The following CACNA1I variants were observed in gnomAD, a reference collection of about 807,000 sequenced individuals.
CACNA1I encodes voltage-dependent T-type calcium channel subunit alpha-1I.
CACNA1I carries 74 observed loss-of-function variants against 201.6 expected under a neutral mutation model. The observed-to-expected ratio is 0.37, with a 90% CI of 0.30 to 0.45. CACNA1I has a LOEUF of 0.45. CACNA1I is among the 20% of genes least tolerant of loss of function. The probability of loss-of-function intolerance (pLI) is 1.00; values close to 1 mark genes in which losing one functional copy is unlikely to be tolerated. For missense variants in CACNA1I, 2,346 were observed against 3,138.1 expected (o/e 0.75, Z 6.03); for synonymous variants, 1,431 against 1,345.2 (o/e 1.06, Z -1.40).
intron 7 of CACNA1I, among the ~76,000 whole-genome samples, chr22:39,643,739 T>C (rs759463008): frequency 2.0e-5 from 3 of 152,200 alleles, no homozygotes; most frequent in Non-Finnish European, 2.9e-5. Context: ...CAGTGCTTTC[T>C]TGGGGAGGCT....
rs1701480702 is a variant in CACNA1I at position 39,684,926 on chromosome 22, A to C, written c.6027+428A>C. 6.0e-6 allele frequency: 2 copies of C among 335,794 alleles called. No individual in the cohort carries two copies. The highest frequency in any genetic ancestry group is 4.4e-5 in the Admixed American group (1 of 22,540). 20.8% of individuals were successfully genotyped at this position (335,794 alleles called of 1,614,324 possible). On this transcript the variant is annotated intron_variant, in intron 36 of 36. Transcript: ENST00000402142. The surrounding 1 kb of genome is among the most constrained non-coding windows in gnomAD (Gnocchi z 4.6). ...GGGAGGGCGGGTCTGGTGGATGAGA[A>C]GCCTCGGGCTGCAGGGTCCCCCGTA...
At chr22:39,609,720 T>C (rs1342586019) in intron 3 of CACNA1I, among the ~76,000 whole-genome samples, 1 of 152,200 alleles carries the variant, frequency 6.6e-6, no homozygotes, top group East Asian at 1.9e-4. Context: ...CTTGGCTAAA[T>C]CAAACAAGAG....
At chr22:39,574,686 A>G (rs141216875) in intron 1 of CACNA1I, among the ~76,000 whole-genome samples, 78 of 152,288 alleles carry the variant, frequency 5.1e-4, no homozygotes, top group African/African-American at 1.8e-3. Flanking sequence ...TCCTTCAATC[A>G]TTGTGACTAC....
intron 3 of CACNA1I, among the ~76,000 whole-genome samples, chr22:39,613,055 G>A (rs1933428183): frequency 1.3e-5 from 2 of 152,212 alleles, no homozygotes; most frequent in Non-Finnish European, 2.9e-5. Context: ...TGGGCCCCTT[G>A]TGAAGATTGA....
In CACNA1I at chr22:39,598,235, C is replaced by T. The variant is rs761597135; in HGVS notation, c.321C>T (p.Cys107=). Residue 107 remains cysteine (C), a synonymous_variant, in exon 2 of 37, where the codon TGC becomes TGT. Transcript: ENST00000402142. Reference sequence around the variant, plus strand: ...ACCAGCCGTGCGACGACATGGACTGCCTGTCCGACCGCTGCAAGATCCTGC... The same window carrying T: ...ACCAGCCGTGCGACGACATGGACTGTCTGTCCGACCGCTGCAAGATCCTGC... The part of the protein sequence containing the change: ...GMYQPCDDMD[C]LSDRCKILQV... 20 of 1,602,494 alleles carry T rather than the reference C, an allele frequency of 1.2e-5. No homozygotes were observed. In the Admixed American group the frequency reaches 2.5e-4, roughly 20 times the overall value.
chr22:39,619,847 G>A (rs369433505), intron 4 of CACNA1I, among the ~76,000 whole-genome samples: 1 of 152,150 alleles, frequency 6.6e-6, no homozygotes. Flanking sequence ...GTCGAGCTCT[G>A]TCATTCACCC....
chr22:39,678,733 C>A (rs1435597167), intron 31 of CACNA1I, among the ~76,000 whole-genome samples: 1 of 152,134 alleles, frequency 6.6e-6, no homozygotes, highest in African/African-American at 2.4e-5. Flanking sequence ...AGCTGAAAAA[C>A]CAGAAAGGAA....
At chr22:39,592,602 G>A (rs1601800851) in intron 1 of CACNA1I, among the ~76,000 whole-genome samples, 1 of 152,230 alleles carries the variant, frequency 6.6e-6, no homozygotes, top group East Asian at 1.9e-4. Context: ...AGGGCTTCAA[G>A]CCTCGCTGTG....
chr22:39,672,199 T>A lies in CACNA1I; in HGVS notation c.4540T>A (p.Ser1514Thr), dbSNP rs1569094951. 3 of 1,601,258 alleles carry A rather than the reference T, an allele frequency of 1.9e-6. No homozygotes were observed. Among genetic ancestry groups the A allele is most frequent in the East Asian group, 2.2e-5 (1 of 44,844 alleles). ...MSLEHYNQPT[S>T]LETALKYCNY... ...CATGCTTCTCTTTGTTCCTCCATAG[T>A]CCCTGGAGACAGCCCTCAAGTACTG... The change falls in exon 27 of 37, where the codon TCC becomes ACC. Residue 1514 changes from serine to threonine, a missense_variant and splice_region_variant. Around this residue, in one of 13 missense-constraint regions of CACNA1I, gnomAD observed 228 missense variants for 395.7 expected, o/e 0.58. Coordinates refer to ENST00000402142, the MANE Select transcript of CACNA1I (RefSeq NM_021096.4).
intron 1 of CACNA1I, among the ~76,000 whole-genome samples, chr22:39,576,266 G>T (rs1313300055): frequency 6.6e-6 from 1 of 152,260 alleles, no homozygotes; most frequent in Non-Finnish European, 1.5e-5. Context: ...CAGGATGAGA[G>T]CTGATGCTGA....
chr22:39,571,736 A>G (rs1020494597), intron 1 of CACNA1I, among the ~76,000 whole-genome samples: 2 of 152,124 alleles, frequency 1.3e-5, no homozygotes, highest in South Asian at 2.1e-4. Context: ...CTTAAGCATC[A>G]CCTCCTCAGG....
intron 1 of CACNA1I, among the ~76,000 whole-genome samples, chr22:39,574,615 C>T (rs1256973696): frequency 2.0e-5 from 3 of 152,140 alleles, no homozygotes; most frequent in Non-Finnish European, 4.4e-5. Flanking sequence ...ACACCATTGG[C>T]ATTTGGGGGT....
chr22:39,679,337 G>A lies in CACNA1I; in HGVS notation c.5286G>A (p.Pro1762=), dbSNP rs765232036. 1.1e-5 allele frequency: 17 copies of A among 1,546,206 alleles called. No individual in the cohort carries two copies. The highest frequency in any genetic ancestry group is 2.8e-5 in the African/African-American group (2 of 72,658). The change falls in exon 32 of 37, where the codon CCG becomes CCA. Residue 1762 remains proline, a synonymous_variant. Transcript: ENST00000402142. ...LEMAHGLGPG[P]RLPTGSPGAP... is the part of the protein sequence containing the mutation. ...TGGCCCATGGCCTGGGCCCTGGCCCGAGGCTGCCTACCGGCTCCCCGGGCG... is the reference window on the plus strand; with the variant it reads ...TGGCCCATGGCCTGGGCCCTGGCCCAAGGCTGCCTACCGGCTCCCCGGGCG...
At chr22:39,625,506 A>G (rs1933873472) in intron 4 of CACNA1I, among the ~76,000 whole-genome samples, 1 of 152,166 alleles carries the variant, frequency 6.6e-6, no homozygotes. Flanking sequence ...ACTCGTACAA[A>G]CAAAGCAGGA....
rs772916530 is a variant in CACNA1I at position 39,672,999 on chromosome 22, C to T, written c.4700C>T (p.Thr1567Ile). 6.2e-7 allele frequency: 1 copy of T among 1,613,872 alleles called. No individual in the cohort carries two copies. The highest frequency in any genetic ancestry group is 8.5e-7 in the Non-Finnish European group (1 of 1,179,820). ...GTGCTACTGTCAGTCATGGGCATCA[C>T]CCTGGAGGAGATCGAGATCAATGCG... ...AIVLLSVMGI[T>I]LEEIEINAAL... Residue 1567 changes from threonine to isoleucine, a missense_variant, in exon 28 of 37, where the codon ACC (threonine) becomes ATC (isoleucine). Thr to Ile is a moderately conservative substitution (Grantham distance 89). Around this residue, in one of 13 missense-constraint regions of CACNA1I, gnomAD observed 228 missense variants for 395.7 expected, o/e 0.58. Coordinates refer to ENST00000402142, the MANE Select transcript of CACNA1I (RefSeq NM_021096.4).
rs777621321 is a variant in CACNA1I at position 39,670,970 on chromosome 22, C to T, written c.4539+16C>T. ...TCAGCCCACGGTGAGCCCTGGTCTGCCTCCCAGCCCAAGGTTACAAGGTGA... is the reference window on the plus strand; with the variant it reads ...TCAGCCCACGGTGAGCCCTGGTCTGTCTCCCAGCCCAAGGTTACAAGGTGA... On this transcript the variant is annotated intron_variant, in intron 26 of 36. Transcript: ENST00000402142. The T allele has an allele frequency of 6.2e-6, 10 of 1,612,590 alleles. No homozygotes were observed. In the South Asian group the frequency reaches 8.8e-5, roughly 14 times the overall value.
chr22:39,673,239 C>G (rs535321696), intron 28 of CACNA1I, among the ~76,000 whole-genome samples, 157 bp downstream of exon 28: 1 of 152,060 alleles, frequency 6.6e-6, no homozygotes, highest in African/African-American at 2.4e-5. Context: ...TGAGAAGGAG[C>G]TGGGAGGCAC....
In CACNA1I at chr22:39,684,294, C is replaced by A; in HGVS notation, c.5831-8C>A. ...CTCCCTCAGCTCTGTCTTCTCCTTT[C>A]CCAGCAGCACCCCCAAGTCCCTTCT... On this transcript the variant is annotated splice_region_variant and splice_polypyrimidine_tract_variant and intron_variant, in intron 35 of 36. Transcript: ENST00000402142. The surrounding 1 kb of genome is among the most constrained non-coding windows in gnomAD (Gnocchi z 4.6). 6.2e-7 allele frequency: 1 copy of A among 1,612,966 alleles called. No homozygotes were observed.
In CACNA1I at chr22:39,659,127, C is replaced by T. The variant is rs1410493736; in HGVS notation, c.2330+11C>T. On this transcript the variant is annotated intron_variant, in intron 12 of 36. Transcript: ENST00000402142. The surrounding 1 kb of genome is among the most constrained non-coding windows in gnomAD (Gnocchi z 4.3). The stretch of plus-strand genomic sequence containing the variant: ...CATCTTCATCTTCAGGTGAGCCTGC[C>T]CTGCTGGGGGCCATACCTCAGCACC... The T allele has an allele frequency of 6.2e-7, 1 of 1,611,388 alleles. No homozygotes were observed. Among genetic ancestry groups the T allele is most frequent in the Non-Finnish European group, 8.5e-7 (1 of 1,179,432 alleles).
Sources: allele counts gnomAD v4.1 joint callset (sites outside exome capture counted in the v4.1 genomes callset), GRCh38; gene constraint gnomAD v4.1.1; regional missense constraint gnomAD v4.1.1; non-coding constraint Gnocchi (gnomAD v3.1); transcripts MANE v1.5; gene names NCBI Gene and HGNC (gene_info 2026-07-23, HGNC 2026-07-21).